CPNE4: variants seen among roughly 807,000 people sequenced by gnomAD.
CPNE4 encodes the protein copine 4.
A neutral mutation model predicts 67.9 loss-of-function variants in CPNE4; 25 were observed. The observed-to-expected ratio is 0.37, with a 90% CI of 0.27 to 0.51. CPNE4 has a LOEUF of 0.51. Ranked by LOEUF, CPNE4 falls within the 20% of genes least tolerant of loss-of-function variation. The pLI is 0.93. For missense variants in CPNE4, 464 were observed against 690.8 expected, an observed-to-expected ratio of 0.67 and a Z score of 3.68; for synonymous variants, 242 against 244.9, an observed-to-expected ratio of 0.99 and a Z score of 0.11.
intron 7 of CPNE4, among the ~76,000 whole-genome samples, chr3:131,604,361 C>T (rs1432676634): frequency 6.6e-6 from 1 of 152,058 alleles, no homozygotes; most frequent in Non-Finnish European, 1.5e-5. Context: ...TGAGTAAATG[C>T]CTTTTGATTG....
chr3:131,722,600 C>G (rs2081916158), intron 3 of CPNE4, among the ~76,000 whole-genome samples: 1 of 152,166 alleles, frequency 6.6e-6, no homozygotes, highest in Admixed American at 6.6e-5. Context: ...AAAAAGCTCT[C>G]TCTTCCTTTA....
chr3:131,773,892 G>T (rs1463501081), intron 2 of CPNE4, among the ~76,000 whole-genome samples: 1 of 152,028 alleles, frequency 6.6e-6, no homozygotes, highest in African/African-American at 2.4e-5. Context: ...TATTTTAAAT[G>T]GTTACTTAAT....
chr3:131,844,222 C>T (rs1482416541), intron 2 of CPNE4, among the ~76,000 whole-genome samples: 1 of 151,732 alleles, frequency 6.6e-6, no homozygotes, highest in African/African-American at 2.4e-5. Flanking sequence ...CAGGTAAAAG[C>T]ACTCTTTATG....
At chr3:131,915,982 G>A (rs1228589) in intron 1 of CPNE4, among the ~76,000 whole-genome samples, 27,101 of 152,026 alleles carry the variant, frequency 0.18, 3,053 homozygotes, top group Non-Finnish European at 0.24. Context: ...AAGTGTAACC[G>A]AATAATTTTA....
chr3:131,701,546 C>T (rs1482431536), intron 3 of CPNE4, among the ~76,000 whole-genome samples: 1 of 152,220 alleles, frequency 6.6e-6, no homozygotes, highest in African/African-American at 2.4e-5. Flanking sequence ...TTCTTTCTCT[C>T]TCTCAGAGCC....
chr3:131,743,603 A>G (rs902325839), intron 2 of CPNE4, among the ~76,000 whole-genome samples: 2 of 152,188 alleles, frequency 1.3e-5, no homozygotes, highest in Non-Finnish European at 2.9e-5. Context: ...AAGAGAGTTA[A>G]ATATCAGGAA....
At chr3:131,700,077 T>TTTTTTTTTTTTTTTAA (rs2081258949) in intron 3 of CPNE4, 97 bp from the exon 4 acceptor site, 1 of 552,478 alleles carries the variant, frequency 1.8e-6, no homozygotes. Context: ...TTTTTTTTTT[T>TTTTTTTTTTTTTTTAA]ACAAAACTCT....
intron 2 of CPNE4, among the ~76,000 whole-genome samples, chr3:131,810,783 T>A (rs1266745451): frequency 6.6e-6 from 1 of 152,108 alleles, no homozygotes; most frequent in Non-Finnish European, 1.5e-5. Context: ...GTAAACAACC[T>A]AAACATTCAT....
intron 1 of CPNE4, among the ~76,000 whole-genome samples, chr3:131,926,976 G>A (rs1055074237): frequency 2.0e-5 from 3 of 152,116 alleles, no homozygotes. Context: ...TAGGGTGTGG[G>A]AGAGAGGAAG....
chr3:131,909,432 G>C (rs955332184), intron 1 of CPNE4, among the ~76,000 whole-genome samples: 1 of 152,162 alleles, frequency 6.6e-6, no homozygotes, highest in African/African-American at 2.4e-5. Flanking sequence ...CCACAATGCA[G>C]AGGGGTCAAT....
chr3:132,026,950 G>A (rs955660281), intron 1 of CPNE4, among the ~76,000 whole-genome samples: 1 of 152,172 alleles, frequency 6.6e-6, no homozygotes, highest in East Asian at 1.9e-4. Context: ...AACTAAGTAT[G>A]CTTACTTTTA....
intron 7 of CPNE4, among the ~76,000 whole-genome samples, chr3:131,646,977 CTAG>C (rs2079684202): frequency 6.6e-6 from 1 of 152,176 alleles, no homozygotes; most frequent in African/African-American, 2.4e-5. Context: ...TCACCAGCCT[CTAG>C]TCTTGGGGAG....
chr3:131,547,110 C>A (rs529610840), intron 14 of CPNE4, among the ~76,000 whole-genome samples: 20 of 141,912 alleles, frequency 1.4e-4, no homozygotes, highest in African/African-American at 5.3e-4. Flanking sequence ...TTTGGGGAAG[C>A]CTTTGCAGGG....
intron 2 of CPNE4, among the ~76,000 whole-genome samples, chr3:131,855,688 A>T (rs901414996): frequency 6.6e-6 from 1 of 151,640 alleles, no homozygotes; most frequent in Admixed American, 6.6e-5. Context: ...TGTTCTCCTA[A>T]CCGTGCCTTG....
intron 2 of CPNE4, among the ~76,000 whole-genome samples, chr3:131,865,381 A>G (rs1175738083): frequency 6.6e-6 from 1 of 150,562 alleles, no homozygotes; most frequent in Admixed American, 6.7e-5. Flanking sequence ...TGTAATGCAT[A>G]TTAGTCCTTT....
intron 1 of CPNE4, among the ~76,000 whole-genome samples, chr3:132,011,525 G>T (rs995625302): frequency 6.6e-6 from 1 of 152,170 alleles, no homozygotes; most frequent in Admixed American, 6.5e-5. Context: ...GCAAAGAAAT[G>T]AGGAGGCCCT....
chr3:131,876,653 A>AAAGAAAGAAAG (rs1553794943), intron 2 of CPNE4, among the ~76,000 whole-genome samples: 9,301 of 140,344 alleles, frequency 0.066, 454 homozygotes, highest in East Asian at 0.12. Context: ...AAAAAAAAAA[A>AAAGAAAGAAAG]AAAGAAAGAA....
intron 2 of CPNE4, among the ~76,000 whole-genome samples, chr3:131,812,702 C>A (rs1305165767): frequency 6.6e-6 from 1 of 152,154 alleles, no homozygotes; most frequent in Non-Finnish European, 1.5e-5. Flanking sequence ...AGATGACTTA[C>A]AAGAGAGTAA....
chr3:131,763,597 T>A (rs1394714558), intron 2 of CPNE4, among the ~76,000 whole-genome samples: 1 of 152,148 alleles, frequency 6.6e-6, no homozygotes, highest in Non-Finnish European at 1.5e-5. Flanking sequence ...ATTGTGCTTC[T>A]GGCTCTCTAA....
Sources: allele counts gnomAD v4.1 joint callset (sites outside exome capture counted in the v4.1 genomes callset), GRCh38; gene constraint gnomAD v4.1.1; transcripts MANE v1.5; gene names NCBI Gene and HGNC (gene_info 2026-07-23, HGNC 2026-07-21).